NFYC: variants seen among roughly 807,000 people sequenced by gnomAD.
NFYC encodes the protein CAAT box DNA-binding protein subunit C.
NFYC carries 25 observed loss-of-function variants against 53.1 expected under a neutral mutation model. That is an observed-to-expected ratio of 0.47 (90% CI 0.34 to 0.66). NFYC has a LOEUF of 0.66. Among genes scored for constraint, NFYC ranks in the 30% least tolerant of loss-of-function variants. The pLI, the probability that NFYC is intolerant of heterozygous loss-of-function variation, is 0.01. For missense variants in NFYC, 260 were observed against 422.7 expected (o/e 0.62, Z 3.38); for synonymous variants, 145 against 152.6 (o/e 0.95, Z 0.37).
chr1:40,744,004 G>A lies in NFYC; in HGVS notation c.106-3530G>A, dbSNP rs574337683. On this transcript the variant is annotated intron_variant, in intron 2 of 9. Coordinates refer to ENST00000447388, the MANE Select transcript of NFYC (RefSeq NM_014223.5). ...CATGATGCCAGTACTCTACCCACTA[G>A]AGCAGGGGTCCCCAACCCCTGGGCC... is the stretch of plus-strand genomic sequence containing the variant. Among the ~76,000 whole-genome samples the A allele has an allele frequency of 5.9e-5, 9 of 152,276 alleles. No homozygotes were observed. In the South Asian group the frequency reaches 1.9e-3, roughly 32 times the overall value.
At chr1:40,768,033 G>A (rs1239561394) in intron 8 of NFYC, among the ~76,000 whole-genome samples, 1 of 152,184 alleles carries the variant, frequency 6.6e-6, no homozygotes, top group African/African-American at 2.4e-5. Flanking sequence ...CAAAAAATGG[G>A]AGAGGCTGGG....
rs72659591 is a variant in NFYC at position 40,766,403 on chromosome 1, G to A, written c.721-193G>A. ...CAGGGAATATATTCTCTTCTGTGCT[G>A]TGTGACTTGTGGGATGTGGATGTTC... On this transcript the variant is annotated intron_variant, in intron 7 of 9. Transcript: ENST00000447388. Among the ~76,000 whole-genome samples, 7 of 152,154 alleles carry A rather than the reference G, an allele frequency of 4.6e-5. 1 individual carries two copies. Among genetic ancestry groups the A allele is most frequent in the African/African-American group, 1.2e-4 (5 of 41,424 alleles).
chr1:40,762,794 TTGCTC>T, intron 6 of NFYC, 89 bp from the exon 7 acceptor site: 1 of 1,239,112 alleles, frequency 8.1e-7, no homozygotes, highest in Non-Finnish European at 1.1e-6. Context: ...TGGAGAGGGT[TTGCTC>T]CCAGCACATT....
chr1:40,767,288 G>T, intron 8 of NFYC: 1 of 353,142 alleles, frequency 2.8e-6, no homozygotes, highest in Non-Finnish European at 5.4e-6. Context: ...GGGAGGCATT[G>T]TTAATGGATT....
chr1:40,767,283 G>A, intron 8 of NFYC: 2 of 359,510 alleles, frequency 5.6e-6, no homozygotes, highest in South Asian at 2.9e-5. Context: ...TCAAGGGGAG[G>A]CATTGTTAAT....
In NFYC at chr1:40,747,572, TAAG is replaced by T. The variant is rs1403845301; in HGVS notation, c.149_151del (p.Lys50del). On this transcript the variant is annotated inframe_deletion, in exon 3 of 10. Transcript: ENST00000447388. ...TGCAGGAACTCCCACTGGCTCGTAT[TAAG>T]AAGATTATGAAACTGGATGAAGATG... The T allele has an allele frequency of 4.3e-6, 7 of 1,613,348 alleles. No individual in the cohort carries two copies. Among genetic ancestry groups the T allele is most frequent in the African/African-American group, 1.3e-5 (1 of 74,912 alleles).
At chr1:40,761,085 C>T (rs1388886701) in intron 6 of NFYC, among the ~76,000 whole-genome samples, 2 of 152,200 alleles carry the variant, frequency 1.3e-5, no homozygotes, top group South Asian at 2.1e-4. Flanking sequence ...TTGACAGCTG[C>T]CATGCTAACA....
In NFYC at chr1:40,719,299, T is replaced by TATCACCATG. The variant is rs542672326; in HGVS notation, c.-8-19536_-8-19528dup. 2.7e-3 allele frequency among the ~76,000 whole-genome samples: 409 copies of TATCACCATG among 152,376 alleles called. 1 individual carries two copies. The highest frequency in any genetic ancestry group is 9.4e-3 in the African/African-American group (392 of 41,596). On this transcript the variant is annotated intron_variant, in intron 1 of 9. Coordinates refer to ENST00000447388, the MANE Select transcript of NFYC (RefSeq NM_014223.5). ...AATGGCTGGATAATTAAAATAACAT[T>TATCACCATG]ATCACCATGTTCACAATGTAGCGAT...
intron 1 of NFYC, chr1:40,735,513 G>C (rs903381247): frequency 1.2e-6 from 1 of 847,470 alleles, no homozygotes; most frequent in African/African-American, 1.8e-5. Flanking sequence ...GGTTCTAGAC[G>C]TGCTTTTTGA....
In NFYC at chr1:40,741,523, CTT is replaced by C. The variant is rs72299476; in HGVS notation, c.105+2579_105+2580del. ...TAAGTAGAACAACATCTGTATTTGT[CTT>C]TTTGTCTTATCTTATTTCACTTAGC... On this transcript the variant is annotated intron_variant, in intron 2 of 9. Coordinates refer to ENST00000447388, the MANE Select transcript of NFYC (RefSeq NM_014223.5). Among the ~76,000 whole-genome samples the C allele has an allele frequency of 6.0e-3, 908 of 151,930 alleles. 9 individuals carry two copies. The highest frequency in any genetic ancestry group is 0.021 in the African/African-American group (863 of 41,454).
Position 40,770,259 on chromosome 1 carries a change from T to A in NFYC, c.889-450T>A, listed in dbSNP as rs1439519325. The A allele has an allele frequency of 1.1e-6, 1 of 871,150 alleles. No individual in the cohort carries two copies. The highest frequency in any genetic ancestry group is 1.7e-5 in the African/African-American group (1 of 58,984). 54.0% of individuals were successfully genotyped at this position (871,150 alleles called of 1,614,324 possible). On this transcript the variant is annotated intron_variant, in intron 9 of 9. Transcript: ENST00000447388. This position sits in a 1 kb window ranked among gnomAD's most constrained non-coding sequence, Gnocchi z 5.3. ...ATTCAAATTCAGTTTAGTTTCAACC[T>A]GAGCCAGATATTCTGAGAAAAGAAG...
Position 40,749,608 on chromosome 1 carries a change from G to A in NFYC, c.213G>A (p.Lys71=). The change falls in exon 4 of 10, where the codon AAG becomes AAA. Residue 71 remains lysine, a synonymous_variant. Transcript: ENST00000447388. ...ISAEAPVLFA[K]AAQIFITELT... ...CAGAAGCGCCTGTACTCTTTGCCAA[G>A]GCAGCCCAGATTTTTATCACAGAGT... 6.2e-7 allele frequency: 1 copy of A among 1,614,152 alleles called. No homozygotes were observed. The highest frequency in any genetic ancestry group is 8.5e-7 in the Non-Finnish European group (1 of 1,180,010).
At chr1:40,749,504 T>A in intron 3 of NFYC, 69 bp from the exon 4 acceptor site, 3 of 1,241,258 alleles carry the variant, frequency 2.4e-6, no homozygotes, top group Non-Finnish European at 3.6e-6. Flanking sequence ...TGCCAGGCAA[T>A]GAGGCAAGAG....
intron 1 of NFYC, among the ~76,000 whole-genome samples, chr1:40,714,336 A>G (rs1480931538): frequency 6.6e-6 from 1 of 152,162 alleles, no homozygotes; most frequent in East Asian, 1.9e-4. Flanking sequence ...ACTGTTTCCC[A>G]TCAGCAAAGT....
intron 7 of NFYC, among the ~76,000 whole-genome samples, chr1:40,764,511 C>T (rs1015820827): frequency 4.6e-5 from 7 of 152,170 alleles, no homozygotes; most frequent in African/African-American, 1.4e-4. Context: ...TTTTTGCAAG[C>T]GAAGGCACCA....
rs770195566 is a variant in NFYC, at chr1:40,770,790, C to T, written c.970C>T (p.Pro324Ser). Reference protein sequence around the residue: ...QPMFIQSANQPSDGQAPQVTG... With the variant: ...QPMFIQSANQSSDGQAPQVTG... Reference sequence around the variant, plus strand: ...CATGTTCATCCAGTCAGCCAACCAGCCCTCCGACGGGCAGGCCCCCCAGGT... The same window carrying T: ...CATGTTCATCCAGTCAGCCAACCAGTCCTCCGACGGGCAGGCCCCCCAGGT... Residue 324 changes from proline to serine, a missense_variant, in exon 10 of 10, where the codon CCC becomes TCC. Physicochemically the swap from Pro to Ser is moderately conservative, Grantham distance 74. Transcript: ENST00000447388. This position sits in a 1 kb window ranked among gnomAD's most constrained non-coding sequence, Gnocchi z 5.3. 2 of 1,612,418 alleles carry T rather than the reference C, an allele frequency of 1.2e-6. No individual in the cohort carries two copies. The highest frequency in any genetic ancestry group is 1.7e-6 in the Non-Finnish European group (2 of 1,180,034).
At chr1:40,715,986 T>A (rs571597926) in intron 1 of NFYC, among the ~76,000 whole-genome samples, 12 of 152,222 alleles carry the variant, frequency 7.9e-5, no homozygotes, top group Non-Finnish European at 1.6e-4. Flanking sequence ...TAGTTTCAAT[T>A]ACATAGAAAA....
At chr1:40,710,065 C>T (rs528486077) in intron 1 of NFYC, among the ~76,000 whole-genome samples, 107 of 152,342 alleles carry the variant, frequency 7.0e-4, no homozygotes, top group African/African-American at 2.4e-3. Flanking sequence ...ACGATTTGCA[C>T]TGCTGCAGGT....
At chr1:40,703,500 T>C (rs1256724156) in intron 1 of NFYC, among the ~76,000 whole-genome samples, 1 of 35,950 alleles carries the variant, frequency 2.8e-5, no homozygotes, top group Non-Finnish European at 6.1e-5. Context: ...AAAAAGAATA[T>C]GAAGCTCTTA....
Sources: gnomAD v4.1 joint callset for allele counts (sites outside exome capture counted in the v4.1 genomes callset) on GRCh38, gnomAD v4.1.1 for gene constraint, Gnocchi (gnomAD v3.1) non-coding constraint, MANE v1.5 for transcripts, NCBI Gene and HGNC (gene_info 2026-07-23, HGNC 2026-07-21) for gene names.